RAB5A: variants seen among roughly 807,000 people sequenced by gnomAD.
RAB5A encodes the protein ras-related protein Rab-5A.
A neutral mutation model predicts 25.7 loss-of-function variants in RAB5A; 8 were observed. That is an observed-to-expected ratio of 0.31 (90% CI 0.18 to 0.56). The LOEUF (loss-of-function observed/expected upper bound fraction) is 0.56. Among genes scored for constraint, RAB5A ranks in the 20% least tolerant of loss-of-function variants. The pLI, the probability that RAB5A is intolerant of heterozygous loss-of-function variation, is 0.91. For missense variants in RAB5A, 192 were observed against 259.7 expected (o/e 0.74, Z 1.79); for synonymous variants, 98 against 89.8 (o/e 1.09, Z -0.52).
At chr3:19,965,350 A>G (rs2125186044) in intron 2 of RAB5A, among the ~76,000 whole-genome samples, 1 of 151,586 alleles carries the variant, frequency 6.6e-6, no homozygotes, top group Non-Finnish European at 1.5e-5. Context: ...TGAGGCCAGG[A>G]GTTCAAGGGC....
At chr3:19,958,691 A>G (rs1226994005) in intron 2 of RAB5A, among the ~76,000 whole-genome samples, 2 of 152,212 alleles carry the variant, frequency 1.3e-5, no homozygotes, top group Admixed American at 1.3e-4. Context: ...TAAAAATACA[A>G]AAACTAGTGG....
intron 2 of RAB5A, among the ~76,000 whole-genome samples, chr3:19,954,871 A>G (rs1468678341): frequency 6.6e-6 from 1 of 152,046 alleles, no homozygotes; most frequent in Non-Finnish European, 1.5e-5. Flanking sequence ...CATGCATCCT[A>G]CCCCTATAGC....
intron 2 of RAB5A, among the ~76,000 whole-genome samples, chr3:19,966,144 C>G (rs1192385104): frequency 6.6e-6 from 1 of 152,076 alleles, no homozygotes; most frequent in Non-Finnish European, 1.5e-5. Context: ...GTGTAACTAT[C>G]CAAAACTTTA....
At chr3:19,972,216 G>A (rs528029441) in intron 2 of RAB5A, among the ~76,000 whole-genome samples, 2 of 152,254 alleles carry the variant, frequency 1.3e-5, no homozygotes, top group Admixed American at 6.5e-5. Flanking sequence ...TGAAACAAAC[G>A]AATTTCATGT....
chr3:19,951,425 T>C (rs532705834), intron 2 of RAB5A, among the ~76,000 whole-genome samples: 69 of 152,306 alleles, frequency 4.5e-4, no homozygotes, highest in Middle Eastern at 3.4e-3. Context: ...TTAAAATGAA[T>C]AGTAAAAAAG....
At chr3:19,952,611 T>A (rs1465607262) in intron 2 of RAB5A, among the ~76,000 whole-genome samples, 1 of 152,232 alleles carries the variant, frequency 6.6e-6, no homozygotes, top group African/African-American at 2.4e-5. Flanking sequence ...TTTGTATATC[T>A]TGTTAAAATG....
intron 1 of RAB5A, among the ~76,000 whole-genome samples, chr3:19,949,467 T>C (rs1696390719): frequency 6.6e-6 from 1 of 152,126 alleles, no homozygotes; most frequent in African/African-American, 2.4e-5. Context: ...CCCCAAAGTG[T>C]TGGGATTTAC....
At chr3:19,952,670 C>G (rs1280406156) in intron 2 of RAB5A, among the ~76,000 whole-genome samples, 1 of 152,030 alleles carries the variant, frequency 6.6e-6, no homozygotes, top group Non-Finnish European at 1.5e-5. Context: ...CATCAGAAAG[C>G]ATCATGGAGC....
intron 2 of RAB5A, among the ~76,000 whole-genome samples, chr3:19,956,075 A>G (rs982459800): frequency 6.6e-6 from 1 of 152,070 alleles, no homozygotes. Flanking sequence ...CTTTTTCTCT[A>G]CTTAGGGAGT....
intron 4 of RAB5A, 121 bp from the exon 5 acceptor site, chr3:19,978,189 T>C (rs1696856115): frequency 1.4e-6 from 1 of 727,960 alleles, no homozygotes; most frequent in Non-Finnish European, 2.5e-6. Context: ...TGATTATAGA[T>C]GATTATAGGA....
intron 2 of RAB5A, among the ~76,000 whole-genome samples, chr3:19,952,750 A>ATT (rs145938707): frequency 1.5e-4 from 23 of 150,208 alleles, no homozygotes; most frequent in Non-Finnish European, 2.1e-4. Context: ...CATCTTTGTG[A>ATT]TTTTTTTTTT....
chr3:19,961,811 C>T (rs982956413), intron 2 of RAB5A, among the ~76,000 whole-genome samples: 2 of 152,180 alleles, frequency 1.3e-5, no homozygotes, highest in African/African-American at 4.8e-5. Flanking sequence ...TCTATATATT[C>T]TTGTCTCCCT....
chr3:19,982,571 C>T (rs576107998), intron 5 of RAB5A, among the ~76,000 whole-genome samples: 1 of 152,100 alleles, frequency 6.6e-6, no homozygotes, highest in African/African-American at 2.4e-5. Flanking sequence ...ACTAAGCGGT[C>T]GAGCATGGTG....
intron 2 of RAB5A, among the ~76,000 whole-genome samples, chr3:19,960,762 T>G (rs540076967): frequency 4.0e-4 from 61 of 152,320 alleles, no homozygotes; most frequent in African/African-American, 1.4e-3. Flanking sequence ...AAGTAAGTGT[T>G]GCTAAACAGC....
rs370279152 is a variant in RAB5A, at chr3:19,947,445, C to CT, written c.-169dup. The CT allele has an allele frequency of 4.7e-4, 73 of 155,794 alleles. No homozygotes were observed. The highest frequency in any genetic ancestry group is 1.8e-3 in the African/African-American group (73 of 41,592). The allele number at this position is 155,794 out of a possible 1,614,324, so 9.7% of individuals were successfully genotyped here. A position where few individuals can be genotyped will look rare whatever the true frequency, so the allele number is the denominator to read the frequency against. On this transcript the variant is annotated 5_prime_UTR_variant, in exon 1 of 6. Coordinates refer to ENST00000273047, the MANE Select transcript of RAB5A (RefSeq NM_004162.5). ...CGCCACCACCACCGCCATAGATACA[C>CT]TCTCATCCTACGGGCCACGCCTGGG... is the stretch of plus-strand genomic sequence containing the variant.
At chr3:19,964,953 C>T (rs375103153) in intron 2 of RAB5A, among the ~76,000 whole-genome samples, 3 of 152,058 alleles carry the variant, frequency 2.0e-5, no homozygotes, top group Admixed American at 6.6e-5. Flanking sequence ...TTATTTGAGA[C>T]GGAGTCTCGC....
chr3:19,974,182 C>CA (rs1286365775), intron 2 of RAB5A, among the ~76,000 whole-genome samples: 5 of 148,256 alleles, frequency 3.4e-5, no homozygotes, highest in Non-Finnish European at 5.9e-5. Context: ...TTTTTTGAGA[C>CA]AGAGTCTCTG....
At chr3:19,963,645 CTTTTG>C (rs1696622955) in intron 2 of RAB5A, among the ~76,000 whole-genome samples, 1 of 151,894 alleles carries the variant, frequency 6.6e-6, no homozygotes, top group African/African-American at 2.4e-5. Flanking sequence ...GATATCAGAA[CTTTTG>C]TTTTTGTTTT....
chr3:19,973,309 G>C (rs993139869), intron 2 of RAB5A, among the ~76,000 whole-genome samples: 4 of 150,876 alleles, frequency 2.7e-5, no homozygotes, highest in East Asian at 2.0e-4. Context: ...ATAAGTGAAT[G>C]TTTTTAGTAC....
Sources: gnomAD v4.1 joint callset for allele counts (sites outside exome capture counted in the v4.1 genomes callset) on GRCh38, gnomAD v4.1.1 for gene constraint, MANE v1.5 for transcripts, NCBI Gene and HGNC (gene_info 2026-07-23, HGNC 2026-07-21) for gene names.